Variants in PRKCE observed in about 807,000 individuals in gnomAD.
PRKCE encodes the protein protein kinase C epsilon type.
Under a neutral mutation model 85.4 loss-of-function variants are expected in PRKCE, and 16 were observed. The ratio of observed to expected loss-of-function variants is 0.19; its 90% CI spans 0.13 to 0.28. The LOEUF is 0.28. PRKCE is among the 10% of genes least tolerant of loss of function. PRKCE has a pLI of 1.00. For synonymous variants in PRKCE, 388 were observed against 371.5 expected (o/e 1.04, Z -0.51); for missense variants, 573 against 975.2 (o/e 0.59, Z 5.49).
At position 46,159,593 on chromosome 2, in the gene PRKCE, C is replaced by T; in HGVS notation, c.1921-13C>T. On this transcript the variant is annotated splice_polypyrimidine_tract_variant and intron_variant, in intron 13 of 14. Transcript: ENST00000306156. This position sits in a 1 kb window ranked among gnomAD's most constrained non-coding sequence, Gnocchi z 4.1. Reference sequence around the variant, plus strand: ...CTTTGTCACTAATTCCGACTCTGTCCTCATCCCTGCAGTTCATGACGAAGA... The same window carrying T: ...CTTTGTCACTAATTCCGACTCTGTCTTCATCCCTGCAGTTCATGACGAAGA... 6.3e-7 allele frequency: 1 copy of T among 1,586,074 alleles called. No individual in the cohort carries two copies.
At chr2:46,010,244 A>G in intron 9 of PRKCE, 100 bp from the exon 10 acceptor site, 3 of 1,310,150 alleles carry the variant, frequency 2.3e-6, no homozygotes, top group Non-Finnish European at 3.1e-6. Flanking sequence ...AAAATTAAAG[A>G]AAAAACAGAA....
chr2:46,140,502 C>T (rs1391457579), intron 11 of PRKCE, among the ~76,000 whole-genome samples: 1 of 152,158 alleles, frequency 6.6e-6, no homozygotes, highest in Non-Finnish European at 1.5e-5. Context: ...GGATATGGAT[C>T]ACACATCTTT....
chr2:45,884,398 G>C (rs930145780), intron 2 of PRKCE, among the ~76,000 whole-genome samples: 2 of 152,224 alleles, frequency 1.3e-5, no homozygotes, highest in Non-Finnish European at 2.9e-5. Context: ...ACGACAGGGT[G>C]GTGGTGAGGA....
At chr2:45,760,918 CAAAACCCT>C (rs1684417629) in intron 1 of PRKCE, among the ~76,000 whole-genome samples, 1 of 152,124 alleles carries the variant, frequency 6.6e-6, no homozygotes. Context: ...GTCTCTTTAC[CAAAACCCT>C]TAGTATACTA....
Position 45,978,974 on chromosome 2 carries a change from AGG to A in PRKCE, c.574_575del (p.Gly192CysfsTer82). ...TTAAAAAAATGTTATTCTTCTTTTC[AGG>A]GGTGTCATAGGAAAGCAGGGATACC... On this transcript the variant is annotated splice_acceptor_variant and coding_sequence_variant, in exon 4 of 15. Transcript: ENST00000306156. LOFTEE classifies it high-confidence loss of function. The A allele has an allele frequency of 6.3e-7, 1 of 1,598,732 alleles. No homozygotes were observed. The highest frequency in any genetic ancestry group is 8.5e-7 in the Non-Finnish European group (1 of 1,179,366).
intron 10 of PRKCE, among the ~76,000 whole-genome samples, chr2:46,017,445 T>C (rs1429261925): frequency 6.6e-6 from 1 of 152,250 alleles, no homozygotes; most frequent in African/African-American, 2.4e-5. Flanking sequence ...ACATTTCACT[T>C]ATCATCTATG....
At chr2:46,165,889 G>T (rs1558521212) in intron 14 of PRKCE, among the ~76,000 whole-genome samples, 1 of 152,224 alleles carries the variant, frequency 6.6e-6, no homozygotes, top group Non-Finnish European at 1.5e-5. Flanking sequence ...GGCAATGAGG[G>T]AAATGCTGGC....
Position 46,007,460 on chromosome 2 carries a change from A to G in PRKCE, c.1064-2A>G, listed in dbSNP as rs1428840054. 3 of 1,599,792 alleles carry G rather than the reference A, an allele frequency of 1.9e-6. No homozygotes were observed. Among genetic ancestry groups the G allele is most frequent in the Non-Finnish European group, 2.5e-6 (3 of 1,179,948 alleles). ...GCAATTTCTTGTTCCCCTTGGCCCT[A>G]GAAATAAAAGAACTTGAGAACAACA... On this transcript the variant is annotated splice_acceptor_variant, in intron 8 of 14. Coordinates refer to ENST00000306156, the MANE Select transcript of PRKCE (RefSeq NM_005400.3). LOFTEE classifies it high-confidence loss of function.
intron 1 of PRKCE, among the ~76,000 whole-genome samples, chr2:45,830,067 C>A (rs1403715660): frequency 1.2e-5 from 1 of 84,010 alleles, no homozygotes; most frequent in African/African-American, 5.0e-5. Flanking sequence ...AGCGAGACTC[C>A]GTCTCAAAAA....
chr2:46,145,028 C>G lies in PRKCE; in HGVS notation c.1593-65C>G. 6.3e-7 allele frequency: 1 copy of G among 1,585,964 alleles called. No individual in the cohort carries two copies. The highest frequency in any genetic ancestry group is 8.5e-7 in the Non-Finnish European group (1 of 1,169,600). ...TTTCCCTAAGATAGGCACATACCTC[C>G]AACTCAGGAAGACTATATTGGGGTG... On this transcript the variant is annotated intron_variant, in intron 11 of 14. Coordinates refer to ENST00000306156, the MANE Select transcript of PRKCE (RefSeq NM_005400.3). The surrounding 1 kb of genome is among the most constrained non-coding windows in gnomAD (Gnocchi z 4.6).
intron 10 of PRKCE, among the ~76,000 whole-genome samples, chr2:46,018,657 C>T (rs897454011): frequency 6.6e-6 from 1 of 152,146 alleles, no homozygotes; most frequent in African/African-American, 2.4e-5. Context: ...AAAATAAGAA[C>T]AATTCACATG....
Position 45,651,881 on chromosome 2 carries a change from C to G in PRKCE, c.-220C>G. The G allele has an allele frequency of 8.2e-6, 4 of 485,404 alleles. No individual in the cohort carries two copies. Among genetic ancestry groups the G allele is most frequent in the Middle Eastern group, 5.4e-4 (1 of 1,866 alleles). 30.1% of individuals were successfully genotyped at this position (485,404 alleles called of 1,614,324 possible). A position where few individuals can be genotyped will look rare whatever the true frequency, so the allele number is the denominator to read the frequency against. ...CCAAACACGGACATCCCCCAGCTCT[C>G]CCCCCTCCCTGTTTTCCGTTAGGAA... On this transcript the variant is annotated 5_prime_UTR_variant, in exon 1 of 15. Transcript: ENST00000306156.
At chr2:45,762,838 C>G (rs1446669312) in intron 1 of PRKCE, among the ~76,000 whole-genome samples, 2 of 152,200 alleles carry the variant, frequency 1.3e-5, no homozygotes, top group African/African-American at 4.8e-5. Context: ...AGCTTCTGTG[C>G]TGTTGGGGGC....
intron 1 of PRKCE, among the ~76,000 whole-genome samples, chr2:45,659,070 A>T (rs532335151): frequency 3.2e-4 from 49 of 152,302 alleles, no homozygotes; most frequent in African/African-American, 1.2e-3. Flanking sequence ...GTTGACACTA[A>T]ATTCCTAATT....
intron 1 of PRKCE, among the ~76,000 whole-genome samples, chr2:45,751,809 ATTTTTT>A (rs34589907): frequency 1.3e-4 from 10 of 78,506 alleles, no homozygotes; most frequent in African/African-American, 2.3e-4. Context: ...GCTAACCACT[ATTTTTT>A]TTTTTTTTTT....
chr2:45,682,611 A>C (rs982323862), intron 1 of PRKCE, among the ~76,000 whole-genome samples: 13 of 151,112 alleles, frequency 8.6e-5, no homozygotes, highest in African/African-American at 3.2e-4. Context: ...TTTGAGATGG[A>C]GTTTCACTCT....
chr2:45,815,753 A>G (rs1006818513), intron 1 of PRKCE, among the ~76,000 whole-genome samples: 2 of 152,214 alleles, frequency 1.3e-5, no homozygotes, highest in African/African-American at 4.8e-5. Flanking sequence ...TTGAGGAATG[A>G]CATGGATCTA....
chr2:46,086,459 G>A, intron 11 of PRKCE, 97 bp downstream of exon 11: 1 of 1,400,882 alleles, frequency 7.1e-7, no homozygotes, highest in Non-Finnish European at 9.6e-7. Context: ...TCGTCTCTTA[G>A]CAACCTGCTT....
chr2:45,988,125 C>T lies in PRKCE; in HGVS notation c.823+3445C>T, dbSNP rs114724199. ...AGACTCAGCCAGGCTTTCTGTCTTG[C>T]TGGACCATGCTAGCAGGGCCTGCTA... On this transcript the variant is annotated intron_variant, in intron 6 of 14. Transcript: ENST00000306156. Among the ~76,000 whole-genome samples the T allele has an allele frequency of 3.8e-3, 582 of 152,298 alleles. 7 individuals are homozygous for T. Among genetic ancestry groups the T allele is most frequent in the African/African-American group, 0.013 (556 of 41,568 alleles).
Sources: gnomAD v4.1 joint callset for allele counts (sites outside exome capture counted in the v4.1 genomes callset) on GRCh38, gnomAD v4.1.1 for gene constraint, Gnocchi (gnomAD v3.1) non-coding constraint, MANE v1.5 for transcripts, NCBI Gene and HGNC (gene_info 2026-07-23, HGNC 2026-07-21) for gene names.